Variants in ARHGAP26 observed in about 807,000 individuals in gnomAD.
The protein encoded by ARHGAP26 is Rho GTPase activating protein 26.
In ARHGAP26, 38 loss-of-function variants were observed where a neutral mutation model predicts 104.8. The observed-to-expected ratio is 0.36, with a 90% CI of 0.28 to 0.48. The LOEUF is 0.48. Ranked by LOEUF, ARHGAP26 falls within the 20% of genes least tolerant of loss-of-function variation. The pLI is 0.99. For synonymous variants in ARHGAP26, 341 were observed against 340.0 expected (o/e 1.00, Z -0.03); for missense variants, 704 against 947.9 (o/e 0.74, Z 3.38).
intron 17 of ARHGAP26, among the ~76,000 whole-genome samples, chr5:143,061,359 T>C (rs945177045): frequency 9.2e-5 from 14 of 152,230 alleles, no homozygotes; most frequent in African/African-American, 3.4e-4. Context: ...AAGTATGTTG[T>C]ATATCCCCAC....
At chr5:142,892,275 T>C (rs1758769094) in intron 5 of ARHGAP26, among the ~76,000 whole-genome samples, 1 of 151,902 alleles carries the variant, frequency 6.6e-6, no homozygotes, top group African/African-American at 2.4e-5. Flanking sequence ...CTGTCTCCCA[T>C]GGAACCCAGG....
rs538728528 is a variant in ARHGAP26 at position 142,932,084 on chromosome 5, G to T, written c.1066G>T (p.Asp356Tyr). The T allele has an allele frequency of 1.2e-6, 2 of 1,614,074 alleles. No homozygotes were observed. The highest frequency in any genetic ancestry group is 2.2e-5 in the East Asian group (1 of 44,884). The change falls in exon 11 of 23, where the codon GAC becomes TAC. Residue 356 changes from aspartate (D) to tyrosine (Y), a missense_variant. By Grantham distance (160) the Asp-to-Tyr change is radical. Transcript: ENST00000645722. ...VITMQALSEE[D>Y]RRLWMEAMDG... ...CACCATGCAAGCTTTGTCGGAAGAGGACCGGAGGCTCTGGATGGAAGCCAT... is the reference window on the plus strand; with the variant it reads ...CACCATGCAAGCTTTGTCGGAAGAGTACCGGAGGCTCTGGATGGAAGCCAT...
chr5:142,794,202 CT>C (rs1394866296), intron 1 of ARHGAP26, among the ~76,000 whole-genome samples: 3 of 152,218 alleles, frequency 2.0e-5, no homozygotes, highest in Non-Finnish European at 2.9e-5. Context: ...AAGGGAAGCC[CT>C]CAGCATGGTT....
intron 20 of ARHGAP26, among the ~76,000 whole-genome samples, chr5:143,156,013 T>C (rs544469515): frequency 6.6e-6 from 1 of 152,330 alleles, no homozygotes; most frequent in South Asian, 2.1e-4. Flanking sequence ...TGGTAGAATA[T>C]TTGGGAAGGA....
intron 9 of ARHGAP26, among the ~76,000 whole-genome samples, chr5:142,912,353 A>G (rs190334374): frequency 1.6e-4 from 24 of 152,370 alleles, no homozygotes; most frequent in African/African-American, 5.3e-4. Context: ...ATTATAGACT[A>G]TGCAAACTAA....
At chr5:143,017,744 A>G (rs1309290904) in intron 12 of ARHGAP26, among the ~76,000 whole-genome samples, 2 of 152,102 alleles carry the variant, frequency 1.3e-5, no homozygotes, top group African/African-American at 4.8e-5. Flanking sequence ...GGTACACAGC[A>G]CTTTGTATCT....
chr5:142,785,031 T>C (rs556677752), intron 1 of ARHGAP26, among the ~76,000 whole-genome samples: 13 of 150,898 alleles, frequency 8.6e-5, no homozygotes, highest in South Asian at 2.1e-4. Context: ...CCTGAGTTCA[T>C]GCCATTCTCT....
At chr5:143,165,179 A>G (rs1291053813) in intron 20 of ARHGAP26, 1 of 152,260 alleles carries the variant, frequency 6.6e-6, no homozygotes, top group African/African-American at 2.4e-5. Context: ...GCCTGGTTGC[A>G]TGCTGAAGCT....
At position 143,198,960 on chromosome 5, in the gene ARHGAP26, A is replaced by G. The variant is rs538928987; in HGVS notation, c.1989-8238A>G. Among the ~76,000 whole-genome samples the G allele has an allele frequency of 3.9e-5, 6 of 152,342 alleles. No individual in the cohort carries two copies. In the South Asian group the frequency reaches 1.2e-3, roughly 32 times the overall value. ...AGTTTAAGAATTATTTTTTAAAGCT[A>G]GAAAACAGAACCGCTGCATTGTAAA... On this transcript the variant is annotated intron_variant, in intron 20 of 22. Coordinates refer to ENST00000645722, the MANE Select transcript of ARHGAP26 (RefSeq NM_001135608.3).
chr5:143,215,064 G>A (rs1324883006), intron 22 of ARHGAP26, among the ~76,000 whole-genome samples: 2 of 152,236 alleles, frequency 1.3e-5, no homozygotes, highest in East Asian at 1.9e-4. Flanking sequence ...TTTCACTGGT[G>A]AGTGTCCCCC....
Position 142,949,164 on chromosome 5 carries a change from CCAGA to C in ARHGAP26, c.1107+17040_1107+17043del, listed in dbSNP as rs1478306699. Among the ~76,000 whole-genome samples, 213 of 40,600 alleles carry C rather than the reference CCAGA, an allele frequency of 5.2e-3. 30 individuals are homozygous for C. Among genetic ancestry groups the C allele is most frequent in the South Asian group, 0.012 (11 of 932 alleles). The allele number at this position is 40,600 out of a possible 152,430, so 26.6% of individuals were successfully genotyped here. A position where few individuals can be genotyped will look rare whatever the true frequency, so the allele number is the denominator to read the frequency against. On this transcript the variant is annotated intron_variant, in intron 11 of 22. Transcript: ENST00000645722. ...CTGCTGAAGTTTTATAGTTGAATTT[CCAGA>C]GAGAGAGAGAGAGAGAGAGAGAGAG...
chr5:142,823,366 C>T (rs1370956522), intron 1 of ARHGAP26, among the ~76,000 whole-genome samples: 1 of 152,098 alleles, frequency 6.6e-6, no homozygotes, highest in Non-Finnish European at 1.5e-5. Context: ...TGGTGCTCCT[C>T]CCTTCATTCA....
chr5:143,100,658 G>A (rs928662742), intron 17 of ARHGAP26, among the ~76,000 whole-genome samples: 3 of 152,212 alleles, frequency 2.0e-5, no homozygotes, highest in Admixed American at 6.5e-5. Context: ...GTCACTGCTT[G>A]GCAGTCTCCT....
chr5:143,181,899 A>C (rs1294276870), intron 20 of ARHGAP26, among the ~76,000 whole-genome samples: 1 of 152,214 alleles, frequency 6.6e-6, no homozygotes, highest in Admixed American at 6.5e-5. Context: ...ACTGTTTCTC[A>C]TGGTCTACAT....
intron 20 of ARHGAP26, among the ~76,000 whole-genome samples, chr5:143,152,625 T>G (rs1315323262): frequency 6.6e-6 from 1 of 152,222 alleles, no homozygotes; most frequent in Non-Finnish European, 1.5e-5. Flanking sequence ...AGCCCTTGAA[T>G]CTAGGCTGAC....
intron 1 of ARHGAP26, among the ~76,000 whole-genome samples, chr5:142,842,286 G>T (rs1263352352): frequency 6.6e-6 from 1 of 152,100 alleles, no homozygotes; most frequent in Non-Finnish European, 1.5e-5. Context: ...GTGTTCTGAA[G>T]CGGCATGTTT....
At chr5:142,892,989 C>CCCTTTT (rs753481588) in intron 5 of ARHGAP26, among the ~76,000 whole-genome samples, 26 of 107,998 alleles carry the variant, frequency 2.4e-4, no homozygotes, top group Middle Eastern at 9.3e-3. Context: ...CACCCCCCCG[C>CCCTTTT]TTTTTTTTTT....
intron 11 of ARHGAP26, among the ~76,000 whole-genome samples, chr5:142,970,304 G>C (rs1772070852): frequency 6.6e-6 from 1 of 152,212 alleles, no homozygotes; most frequent in Non-Finnish European, 1.5e-5. Context: ...AAATGGAGTA[G>C]TTTTATTAGT....
chr5:143,170,215 A>G (rs1424207600), intron 20 of ARHGAP26: 5 of 152,212 alleles, frequency 3.3e-5, no homozygotes, highest in African/African-American at 1.2e-4. Flanking sequence ...AAAGAATCTG[A>G]AAAGGACTGG....
Sources: gnomAD v4.1 joint callset for allele counts (sites outside exome capture counted in the v4.1 genomes callset) on GRCh38, gnomAD v4.1.1 for gene constraint, MANE v1.5 for transcripts, NCBI Gene and HGNC (gene_info 2026-07-23, HGNC 2026-07-21) for gene names.